The following ANKRD17 variants were observed in gnomAD, a reference collection of about 807,000 sequenced individuals.
ANKRD17 encodes ankyrin repeat domain-containing protein 17.
In ANKRD17, 19 loss-of-function variants were observed where a neutral mutation model predicts 229.7. The ratio of observed to expected loss-of-function variants is 0.08; its 90% confidence interval spans 0.06 to 0.12. The LOEUF is 0.12. Ranked by LOEUF, ANKRD17 falls within the 10% of genes least tolerant of loss-of-function variation. The pLI, the probability that ANKRD17 is intolerant of heterozygous loss-of-function variation, is 1.00. For synonymous variants in ANKRD17, 1,112 were observed against 1,146.1 expected (o/e 0.97, Z 0.60); for missense variants, 2,176 against 3,176.8 (o/e 0.68, Z 7.57).
chr4:73,095,210 T>A (rs1288828610), intron 27 of ANKRD17, among the ~76,000 whole-genome samples: 1 of 152,092 alleles, frequency 6.6e-6, no homozygotes, highest in Non-Finnish European at 1.5e-5. Context: ...TTCCCTGTAT[T>A]CTTATAGTAG....
chr4:73,249,920 T>G (rs72663024), intron 1 of ANKRD17, among the ~76,000 whole-genome samples: 7,046 of 152,236 alleles, frequency 0.046, 249 homozygotes, highest in Non-Finnish European at 0.06. Flanking sequence ...AAATCTACAG[T>G]CCTCCTCAAT....
intron 1 of ANKRD17, among the ~76,000 whole-genome samples, chr4:73,202,317 T>C (rs991950054): frequency 1.5e-4 from 6 of 40,522 alleles, no homozygotes; most frequent in African/African-American, 6.4e-4. Context: ...AGGAACAGGA[T>C]TAAAAAAAAA....
chr4:73,100,350 A>C (rs1723819305), intron 25 of ANKRD17, among the ~76,000 whole-genome samples: 1 of 151,862 alleles, frequency 6.6e-6, no homozygotes, highest in Non-Finnish European at 1.5e-5. Flanking sequence ...AATCGACCAT[A>C]AAGGGTGTAG....
At chr4:73,174,046 G>A (rs1164848252) in intron 2 of ANKRD17, among the ~76,000 whole-genome samples, 1 of 148,530 alleles carries the variant, frequency 6.7e-6, no homozygotes, top group Non-Finnish European at 1.5e-5. Context: ...GAAAGGAGAG[G>A]AGGGGAGGGG....
In ANKRD17 at chr4:73,129,919, C is replaced by T. The variant is rs543428977; in HGVS notation, c.3235-4607G>A. ...CTGGGACTACAGGTGCCTGCCACCA[C>T]GCCTGGCTAATTTTTTTTTGTATTT... On this transcript the variant is annotated intron_variant, in intron 16 of 33. Coordinates refer to ENST00000358602, the MANE Select transcript of ANKRD17 (RefSeq NM_032217.5). Among the ~76,000 whole-genome samples, 9 of 151,820 alleles carry T rather than the reference C, an allele frequency of 5.9e-5. No individual in the cohort carries two copies. The South Asian group carries it at 6.3e-4, about 11-fold the overall frequency.
At chr4:73,240,652 A>G (rs1054232855) in intron 1 of ANKRD17, among the ~76,000 whole-genome samples, 1 of 152,032 alleles carries the variant, frequency 6.6e-6, no homozygotes, top group African/African-American at 2.4e-5. Context: ...AAAAAAACAC[A>G]TAACTGACTT....
intron 3 of ANKRD17, among the ~76,000 whole-genome samples, chr4:73,157,854 C>A (rs1731867744): frequency 6.6e-6 from 1 of 152,098 alleles, no homozygotes; most frequent in Non-Finnish European, 1.5e-5. Context: ...CTTTGGGAGG[C>A]CGAGGCGGGC....
At chr4:73,162,486 T>C (rs888265772) in intron 2 of ANKRD17, among the ~76,000 whole-genome samples, 2 of 152,084 alleles carry the variant, frequency 1.3e-5, no homozygotes, top group African/African-American at 2.4e-5. Context: ...GTAAACTACT[T>C]CATCGGGCCA....
At chr4:73,247,321 T>C (rs1272077489) in intron 1 of ANKRD17, among the ~76,000 whole-genome samples, 1 of 152,036 alleles carries the variant, frequency 6.6e-6, no homozygotes, top group Non-Finnish European at 1.5e-5. Context: ...TGAGAGTATT[T>C]ATCAAATTTA....
At chr4:73,171,178 G>GAGAGA (rs1553928536) in intron 2 of ANKRD17, among the ~76,000 whole-genome samples, 2 of 104,500 alleles carry the variant, frequency 1.9e-5, no homozygotes, top group African/African-American at 8.0e-5. Context: ...CTCAGAGGGG[G>GAGAGA]GAGAGAGAGA....
At chr4:73,160,210 C>CTTTTTTT (rs144486458) in intron 3 of ANKRD17, among the ~76,000 whole-genome samples, 7 of 61,554 alleles carry the variant, frequency 1.1e-4, no homozygotes, top group Non-Finnish European at 8.6e-5. Flanking sequence ...TTTCTTATCA[C>CTTTTTTT]TTTTTTTTTT....
At chr4:73,158,186 A>AAGAAAGAG (rs963284200) in intron 3 of ANKRD17, among the ~76,000 whole-genome samples, 1 of 111,990 alleles carries the variant, frequency 8.9e-6, no homozygotes, top group Non-Finnish European at 2.0e-5. Context: ...GAAAGAAAGA[A>AAGAAAGAG]AGAGAGAGAA....
chr4:73,220,303 G>T (rs1340013057), intron 1 of ANKRD17, among the ~76,000 whole-genome samples: 1 of 152,078 alleles, frequency 6.6e-6, no homozygotes, highest in Non-Finnish European at 1.5e-5. Context: ...TCCTTTTACA[G>T]AAGGTAGGCA....
At chr4:73,160,536 T>C (rs575834552) in intron 3 of ANKRD17, among the ~76,000 whole-genome samples, 3 of 152,196 alleles carry the variant, frequency 2.0e-5, no homozygotes, top group East Asian at 1.9e-4. Flanking sequence ...TCAATATACA[T>C]CCATAATTGT....
Position 73,135,212 on chromosome 4 carries a change from C to T in ANKRD17, c.3139G>A (p.Ala1047Thr). 3 of 1,613,838 alleles carry T rather than the reference C, an allele frequency of 1.9e-6. No homozygotes were observed. ...MSNTPTHSIA[A>T]SISQPQTPTP... Reference sequence around the variant, plus strand: ...GGAGTCTGAGGTTGGGAAATGGATGCAGCAATACTGTGGGTAGGAGTGTTT... The same window carrying T: ...GGAGTCTGAGGTTGGGAAATGGATGTAGCAATACTGTGGGTAGGAGTGTTT... Residue 1047 changes from alanine (A) to threonine (T), a missense_variant, in exon 16 of 34, where the codon GCA becomes ACA. This residue lies in a region of ANKRD17 where 230 missense variants were observed against 252.3 expected (regional missense o/e 0.91). Coordinates refer to ENST00000358602, the MANE Select transcript of ANKRD17 (RefSeq NM_032217.5).
chr4:73,198,804 A>G (rs1466091648), intron 1 of ANKRD17, among the ~76,000 whole-genome samples: 1 of 152,180 alleles, frequency 6.6e-6, no homozygotes, highest in African/African-American at 2.4e-5. Context: ...TCCCTTAATG[A>G]TACTCAAAGA....
chr4:73,135,206 T>C lies in ANKRD17; in HGVS notation c.3145A>G (p.Ile1049Val), dbSNP rs1017872727. 11 of 1,613,652 alleles carry C rather than the reference T, an allele frequency of 6.8e-6. No individual in the cohort carries two copies. The highest frequency in any genetic ancestry group is 6.7e-5 in the African/African-American group (5 of 74,864). The change falls in exon 16 of 34, where the codon ATT becomes GTT. Residue 1049 changes from isoleucine (I) to valine (V), a missense_variant. This residue lies in a region of ANKRD17 where 230 missense variants were observed against 252.3 expected (regional missense o/e 0.91). Coordinates refer to ENST00000358602, the MANE Select transcript of ANKRD17 (RefSeq NM_032217.5). Reference protein sequence around the residue: ...NTPTHSIAASISQPQTPTPSP... With the variant: ...NTPTHSIAASVSQPQTPTPSP... ...GGAGTTGGAGTCTGAGGTTGGGAAATGGATGCAGCAATACTGTGGGTAGGA... is the reference window on the plus strand; with the variant it reads ...GGAGTTGGAGTCTGAGGTTGGGAAACGGATGCAGCAATACTGTGGGTAGGA...
intron 2 of ANKRD17, among the ~76,000 whole-genome samples, chr4:73,173,657 C>A (rs1438360222): frequency 6.6e-6 from 1 of 152,172 alleles, no homozygotes; most frequent in Admixed American, 6.5e-5. Flanking sequence ...AGCAGGAAAA[C>A]CTGTCTCCAA....
chr4:73,148,779 A>C lies in ANKRD17; in HGVS notation c.1567+34T>G, dbSNP rs754950002. The stretch of plus-strand genomic sequence containing the variant: ...AAAATTATACTCTTAGGTTTTACAC[A>C]TTTATACTTTAGTGTCTTGATAGAT... On this transcript the variant is annotated intron_variant, in intron 8 of 33. Transcript: ENST00000358602. 8 of 1,573,264 alleles carry C rather than the reference A, an allele frequency of 5.1e-6. No individual in the cohort carries two copies. The Admixed American group carries it at 1.0e-4, about 20-fold the overall frequency.
Sources: gnomAD v4.1 joint callset for allele counts (sites outside exome capture counted in the v4.1 genomes callset) on GRCh38, gnomAD v4.1.1 for gene constraint, gnomAD v4.1.1 regional missense constraint, MANE v1.5 for transcripts, NCBI Gene and HGNC (gene_info 2026-07-23, HGNC 2026-07-21) for gene names.